ADGRL2: variants seen among roughly 807,000 people sequenced by gnomAD.
ADGRL2 encodes the protein calcium-independent alpha-latrotoxin receptor 2.
In ADGRL2, 44 loss-of-function variants were observed where a neutral mutation model predicts 157.4. That is an observed-to-expected ratio of 0.28 (90% CI 0.22 to 0.36). The LOEUF (loss-of-function observed/expected upper bound fraction) is 0.36. Among genes scored for constraint, ADGRL2 ranks in the 10% least tolerant of loss-of-function variants. The pLI is 1.00. For synonymous variants in ADGRL2, 585 were observed against 624.7 expected (o/e 0.94, Z 0.95); for missense variants, 1,510 against 1,768.9 (o/e 0.85, Z 2.63).
intron 1 of ADGRL2, among the ~76,000 whole-genome samples, chr1:81,345,983 T>C (rs1662453931): frequency 6.6e-6 from 1 of 152,224 alleles, no homozygotes; most frequent in African/African-American, 2.4e-5. Context: ...TAGCCTCTAT[T>C]GTCTCACATT....
At chr1:81,442,338 G>A (rs72940942) in intron 1 of ADGRL2, among the ~76,000 whole-genome samples, 3,603 of 152,204 alleles carry the variant, frequency 0.024, 74 homozygotes, top group African/African-American at 0.042. Flanking sequence ...CTACAAAGAT[G>A]AGCTTTTTTA....
intron 1 of ADGRL2, among the ~76,000 whole-genome samples, chr1:81,813,646 A>G (rs910142167): frequency 2.6e-5 from 4 of 151,798 alleles, no homozygotes; most frequent in South Asian, 2.1e-4. Context: ...TTACAAAAGT[A>G]TACAAATGCT....
chr1:81,621,460 G>T (rs2148711707), intron 3 of ADGRL2, among the ~76,000 whole-genome samples: 1 of 152,320 alleles, frequency 6.6e-6, no homozygotes, highest in East Asian at 1.9e-4. Context: ...TGGAAGCCAT[G>T]TTGTGAACTC....
chr1:81,726,086 C>G (rs1342890906), intron 1 of ADGRL2, among the ~76,000 whole-genome samples: 1 of 152,164 alleles, frequency 6.6e-6, no homozygotes, highest in Admixed American at 6.5e-5. Context: ...TCTCAATGAC[C>G]TGTTTTCTCT....
chr1:81,553,073 C>T (rs1371759796), intron 2 of ADGRL2, among the ~76,000 whole-genome samples: 2 of 152,060 alleles, frequency 1.3e-5, no homozygotes, highest in Non-Finnish European at 2.9e-5. Context: ...GTAGAGATGA[C>T]TTCCACCCAA....
At chr1:81,655,243 G>A (rs1030027273) in intron 3 of ADGRL2, among the ~76,000 whole-genome samples, 37 of 152,200 alleles carry the variant, frequency 2.4e-4, no homozygotes, top group Admixed American at 1.9e-3. Flanking sequence ...TTCGTGATCC[G>A]CCCGCCTCGG....
chr1:81,574,914 T>A (rs961117164), intron 2 of ADGRL2, among the ~76,000 whole-genome samples: 6 of 152,202 alleles, frequency 3.9e-5, no homozygotes, highest in Non-Finnish European at 8.8e-5. Context: ...CTTAGAATAT[T>A]GTGAAATAAA....
intron 1 of ADGRL2, among the ~76,000 whole-genome samples, chr1:81,308,332 A>G (rs1412125877): frequency 6.6e-6 from 1 of 152,160 alleles, no homozygotes; most frequent in Admixed American, 6.6e-5. Flanking sequence ...TTACAGGGAA[A>G]GAAAAGGATT....
chr1:81,694,187 A>C (rs1193687337), intron 3 of ADGRL2, among the ~76,000 whole-genome samples: 1 of 152,180 alleles, frequency 6.6e-6, no homozygotes, highest in African/African-American at 2.4e-5. Flanking sequence ...TATGAAAAAC[A>C]CTTGAGAATA....
chr1:81,489,194 A>G (rs2078576583), intron 2 of ADGRL2, among the ~76,000 whole-genome samples: 1 of 152,000 alleles, frequency 6.6e-6, no homozygotes, highest in South Asian at 2.1e-4. Context: ...CTGAGATTGC[A>G]ACACTGCACT....
At chr1:81,465,795 CCAAA>C (rs1282396434) in intron 2 of ADGRL2, among the ~76,000 whole-genome samples, 1 of 152,012 alleles carries the variant, frequency 6.6e-6, no homozygotes, top group Non-Finnish European at 1.5e-5. Context: ...TCACTTTTGT[CCAAA>C]CAAAGAAAAA....
intron 2 of ADGRL2, among the ~76,000 whole-genome samples, chr1:81,540,553 A>AAGGCCAGAGGCCTT (rs1443222215): frequency 6.6e-6 from 1 of 152,258 alleles, no homozygotes; most frequent in Admixed American, 6.5e-5. Context: ...GGTGATCACA[A>AAGGCCAGAGGCCTT]AGGCCAGAGG....
intron 2 of ADGRL2, among the ~76,000 whole-genome samples, chr1:81,769,485 A>T (rs2086267432): frequency 1.3e-5 from 2 of 152,066 alleles, no homozygotes; most frequent in African/African-American, 2.4e-5. Context: ...ACTTTTTATG[A>T]ATCAAGTTTC....
chr1:81,473,562 T>A (rs1311815873), intron 2 of ADGRL2, among the ~76,000 whole-genome samples: 1 of 152,252 alleles, frequency 6.6e-6, no homozygotes, highest in East Asian at 1.9e-4. Flanking sequence ...AAATTCAAAA[T>A]AATATATGTG....
At chr1:81,419,741 G>C (rs1277466368) in intron 1 of ADGRL2, among the ~76,000 whole-genome samples, 1 of 152,176 alleles carries the variant, frequency 6.6e-6, no homozygotes, top group African/African-American at 2.4e-5. Flanking sequence ...TTGAGGAGAA[G>C]TCTGACCCTG....
At chr1:81,524,690 A>G (rs115872762) in intron 2 of ADGRL2, among the ~76,000 whole-genome samples, 178 of 152,340 alleles carry the variant, frequency 1.2e-3, no homozygotes, top group African/African-American at 4.2e-3. Context: ...CAACCAAAAA[A>G]ACAAGATGCA....
At chr1:81,774,199 T>C (rs749912533) in intron 2 of ADGRL2, among the ~76,000 whole-genome samples, 1 of 152,246 alleles carries the variant, frequency 6.6e-6, no homozygotes, top group African/African-American at 2.4e-5. Context: ...TAGTCAGTCA[T>C]GAAGGGCTGG....
intron 2 of ADGRL2, among the ~76,000 whole-genome samples, chr1:81,541,555 G>A (rs1187926302): frequency 3.3e-5 from 5 of 152,142 alleles, no homozygotes; most frequent in Admixed American, 6.5e-5. Flanking sequence ...TAGGGTGTTT[G>A]CTTTCTAGAA....
chr1:81,423,890 A>C (rs2077167937), intron 1 of ADGRL2, among the ~76,000 whole-genome samples: 1 of 152,250 alleles, frequency 6.6e-6, no homozygotes, highest in Admixed American at 6.5e-5. Context: ...GATTTACAAA[A>C]AAATGAAAGA....
Sources: gnomAD v4.1 joint callset for allele counts (sites outside exome capture counted in the v4.1 genomes callset) on GRCh38, gnomAD v4.1.1 for gene constraint, MANE v1.5 for transcripts, NCBI Gene and HGNC (gene_info 2026-07-23, HGNC 2026-07-21) for gene names.